Variants in ACTR3C observed in about 807,000 individuals in gnomAD.
ACTR3C encodes actin related protein 3C, also known as actin-related protein 3C.
In ACTR3C, 18 loss-of-function variants were observed where a neutral mutation model predicts 26.3. The observed-to-expected ratio is 0.68, with a 90% CI of 0.47 to 1.01. ACTR3C has a LOEUF of 1.01. Ranked by LOEUF, ACTR3C falls within the 50% of genes least tolerant of loss-of-function variation. ACTR3C has a pLI of 0.00. For missense variants in ACTR3C, 184 were observed against 250.7 expected (o/e 0.73, Z 1.80); for synonymous variants, 55 against 94.5 (o/e 0.58, Z 2.42).
At chr7:149,929,815 G>A in the ACTR3C span, among the ~76,000 whole-genome samples, 1,170 of 152,210 alleles carry the variant, frequency 7.7e-3, 12 homozygotes, top group African/African-American at 0.026. Flanking sequence ...ACAGGCATGA[G>A]CCACCGCGCC....
chr7:150,095,444 A>C, the ACTR3C span, among the ~76,000 whole-genome samples: 4 of 150,728 alleles, frequency 2.7e-5, no homozygotes, highest in Non-Finnish European at 2.9e-5. Context: ...AGAGCAAATT[A>C]GTTATTTTCT....
chr7:150,041,198 C>T, the ACTR3C span, among the ~76,000 whole-genome samples: 217 of 150,500 alleles, frequency 1.4e-3, no homozygotes, highest in Middle Eastern at 6.8e-3. Flanking sequence ...TCAAAAGTTC[C>T]GGGTCCCCGA....
the ACTR3C span, among the ~76,000 whole-genome samples, chr7:150,112,532 G>A: frequency 9.3e-4 from 141 of 152,228 alleles, no homozygotes; most frequent in African/African-American, 3.3e-3. Flanking sequence ...CCGGAGCTCC[G>A]CGGACTGGTC....
At chr7:150,267,854 G>A (rs1834156523) in intron 6 of ACTR3C, among the ~76,000 whole-genome samples, 1 of 152,196 alleles carries the variant, frequency 6.6e-6, no homozygotes, top group Non-Finnish European at 1.5e-5. Context: ...AGCAGGGGCT[G>A]AGGAACTTCT....
rs1186785466 is a variant in ACTR3C at position 150,274,684 on chromosome 7, T to C, written c.564+10069A>G. The stretch of plus-strand genomic sequence containing the variant: ...TGGGGAATGAGTGCAGTCACGATGC[T>C]AGGAAGCGGCTCAGCCCACGTGGAG... On this transcript the variant is annotated intron_variant, in intron 6 of 7. Transcript: ENST00000683684. The surrounding 1 kb of genome is among the most constrained non-coding windows in gnomAD (Gnocchi z 4.1). 6.6e-6 allele frequency among the ~76,000 whole-genome samples: 1 copy of C among 152,200 alleles called. No individual in the cohort carries two copies. Among genetic ancestry groups the C allele is most frequent in the African/African-American group, 2.4e-5 (1 of 41,450 alleles).
At chr7:150,099,012 A>G in the ACTR3C span, among the ~76,000 whole-genome samples, 5 of 149,854 alleles carry the variant, frequency 3.3e-5, no homozygotes, top group East Asian at 9.7e-4. Flanking sequence ...CATTATTTAG[A>G]AGAGGTAAAG....
chr7:150,188,713 G>T, the ACTR3C span, among the ~76,000 whole-genome samples: 22,970 of 149,604 alleles, frequency 0.15, 2,029 homozygotes, highest in African/African-American at 0.32. Context: ...TCATGGTGCT[G>T]ATGGAATTGT....
the ACTR3C span, among the ~76,000 whole-genome samples, chr7:150,189,056 C>T: frequency 6.6e-6 from 1 of 151,316 alleles, no homozygotes; most frequent in African/African-American, 2.5e-5. Context: ...AGGGTTTATT[C>T]TAGCCTTCCC....
the ACTR3C span, among the ~76,000 whole-genome samples, chr7:150,195,684 G>A: frequency 6.6e-6 from 1 of 152,348 alleles, no homozygotes; most frequent in South Asian, 2.1e-4. Flanking sequence ...TTAGAGACCA[G>A]CCTGGCCAAC....
At chr7:149,966,785 T>G in the ACTR3C span, among the ~76,000 whole-genome samples, 2 of 152,090 alleles carry the variant, frequency 1.3e-5, no homozygotes, top group Non-Finnish European at 1.5e-5. Context: ...CCCTCACTAG[T>G]TCCTCTTTGT....
chr7:150,134,038 G>A, the ACTR3C span, among the ~76,000 whole-genome samples: 4 of 152,036 alleles, frequency 2.6e-5, no homozygotes, highest in Admixed American at 6.5e-5. Context: ...ACCAAGCCTG[G>A]CCAAGAGATT....
chr7:150,001,563 G>C, the ACTR3C span: 6 of 152,230 alleles, frequency 3.9e-5, no homozygotes, highest in African/African-American at 1.4e-4. Context: ...TCCTAACTCT[G>C]GTCTTGGACG....
chr7:150,133,267 G>A, the ACTR3C span, among the ~76,000 whole-genome samples: 1 of 152,116 alleles, frequency 6.6e-6, no homozygotes, highest in South Asian at 2.1e-4. Flanking sequence ...CCCGAGGTCA[G>A]CTAATGGACT....
downstream of ACTR3C, chr7:150,245,935 G>GT (rs1341375406): frequency 1.3e-5 from 2 of 152,230 alleles, no homozygotes; most frequent in African/African-American, 4.8e-5. Flanking sequence ...CTCAGTAAAG[G>GT]TAAGTGGGAA....
the ACTR3C span, among the ~76,000 whole-genome samples, chr7:150,193,016 C>A: frequency 3.2e-4 from 49 of 152,276 alleles, no homozygotes; most frequent in Non-Finnish European, 6.5e-4. Flanking sequence ...GAGGAGTCAC[C>A]TTTCCTTCTC....
the ACTR3C span, among the ~76,000 whole-genome samples, chr7:150,033,907 C>T: frequency 1.0e-4 from 15 of 149,604 alleles, no homozygotes; most frequent in Admixed American, 2.7e-4. Context: ...TCTCAGTCCC[C>T]GCGTCGCGAG....
At chr7:150,290,714 TGCAGAGTCCAAGTATTTGTAAA>T (rs1836180775) in intron 3 of ACTR3C, among the ~76,000 whole-genome samples, 1 of 152,256 alleles carries the variant, frequency 6.6e-6, no homozygotes, top group Non-Finnish European at 1.5e-5. Flanking sequence ...TTAGCCTTTC[TGCAGAGTCCAAGTATTTGTAAA>T]GTATTTTAAG....
At chr7:149,889,541 C>T in the ACTR3C span, among the ~76,000 whole-genome samples, 1 of 152,038 alleles carries the variant, frequency 6.6e-6, no homozygotes, top group Non-Finnish European at 1.5e-5. Context: ...ATACTTAGCC[C>T]CATTAGTAAT....
At chr7:150,163,763 C>A in the ACTR3C span, among the ~76,000 whole-genome samples, 1 of 152,018 alleles carries the variant, frequency 6.6e-6, no homozygotes, top group Non-Finnish European at 1.5e-5. Flanking sequence ...CCCGTTCAGG[C>A]AGGTGGGCAG....
Sources: allele counts gnomAD v4.1 joint callset (sites outside exome capture counted in the v4.1 genomes callset), GRCh38; gene constraint gnomAD v4.1.1; non-coding constraint Gnocchi (gnomAD v3.1); transcripts MANE v1.5; gene names NCBI Gene and HGNC (gene_info 2026-07-23, HGNC 2026-07-21).